GRM8: variants seen among roughly 807,000 people sequenced by gnomAD.
GRM8 encodes glutamate metabotropic receptor 8, also known as metabotropic glutamate receptor 8.
In GRM8, 47 loss-of-function variants were observed where a neutral mutation model predicts 87.2. The observed-to-expected ratio is 0.54, with a 90% CI of 0.43 to 0.69. The LOEUF (loss-of-function observed/expected upper bound fraction) is 0.69. Ranked by LOEUF, GRM8 falls within the 30% of genes least tolerant of loss-of-function variation. The pLI is 0.00. For synonymous variants in GRM8, 396 were observed against 404.5 expected, an observed-to-expected ratio of 0.98 and a Z score of 0.25; for missense variants, 1,019 against 1,139.2, an observed-to-expected ratio of 0.89 and a Z score of 1.52.
At chr7:126,881,880 ATATATG>A (rs1253371762) in intron 6 of GRM8, among the ~76,000 whole-genome samples, 4 of 152,218 alleles carry the variant, frequency 2.6e-5, no homozygotes, top group South Asian at 2.1e-4. Flanking sequence ...AATAAAAATT[ATATATG>A]TATAAGTATA....
At chr7:127,124,784 T>C (rs1302358475) in intron 2 of GRM8, among the ~76,000 whole-genome samples, 1 of 152,096 alleles carries the variant, frequency 6.6e-6, no homozygotes, top group Non-Finnish European at 1.5e-5. Flanking sequence ...ATGTAGCCCC[T>C]ACCCTTTAAC....
intron 8 of GRM8, among the ~76,000 whole-genome samples, chr7:126,536,666 G>A (rs1292204872): frequency 6.6e-6 from 1 of 152,024 alleles, no homozygotes; most frequent in Non-Finnish European, 1.5e-5. Context: ...GAAAAAAAAT[G>A]AAATGCTCCA....
intron 3 of GRM8, among the ~76,000 whole-genome samples, chr7:127,013,890 G>T (rs1032155393): frequency 6.6e-6 from 1 of 152,110 alleles, no homozygotes; most frequent in Admixed American, 6.6e-5. Flanking sequence ...TGCTTATAAG[G>T]TAAGATGATT....
chr7:127,091,299 A>C (rs921088380), intron 3 of GRM8, among the ~76,000 whole-genome samples: 8 of 149,446 alleles, frequency 5.4e-5, no homozygotes, highest in African/African-American at 2.0e-4. Context: ...TCCCCATCCC[A>C]CTGGCCATCC....
At position 127,015,064 on chromosome 7, in the gene GRM8, G is replaced by GAAGAAGAAGAAGA. The variant is rs1554568485; in HGVS notation, c.727+91431_727+91432insTCTTCTTCTTCTT. ...AGAAGAAGAAGAAGAAGAAGAAGAA[G>GAAGAAGAAGAAGA]AAGAAAGAAAGAAGGAGAAGAAGGA... On this transcript the variant is annotated intron_variant, in intron 3 of 10. Transcript: ENST00000339582. Among the ~76,000 whole-genome samples, 100 of 87,908 alleles carry GAAGAAGAAGAAGA rather than the reference G, an allele frequency of 1.1e-3. 4 individuals carry two copies. Among genetic ancestry groups the GAAGAAGAAGAAGA allele is most frequent in the Admixed American group, 4.7e-3 (40 of 8,534 alleles). The allele number at this position is 87,908 out of a possible 152,430, so 57.7% of individuals were successfully genotyped here.
In GRM8 at chr7:126,904,101, GT is replaced by G; in HGVS notation, c.888del (p.Lys296AsnfsTer2). On this transcript the variant is annotated frameshift_variant, in exon 5 of 11. Coordinates refer to ENST00000339582, the MANE Select transcript of GRM8 (RefSeq NM_000845.3). LOFTEE classifies it high-confidence loss of function. The part of the protein sequence containing the change: ...DIRRILEAAK[K>X]LNQSGHFLWI... ...CAGAGAAAATGCCCACTTTGGTTTA[GT>G]TTTTTTGCTGCTTCCAATATCCTCC... is the stretch of plus-strand genomic sequence containing the variant. 2 of 1,611,068 alleles carry G rather than the reference GT, an allele frequency of 1.2e-6. No individual in the cohort carries two copies. Among genetic ancestry groups the G allele is most frequent in the East Asian group, 2.2e-5 (1 of 44,734 alleles).
intron 9 of GRM8, among the ~76,000 whole-genome samples, chr7:126,457,770 T>C (rs566138414): frequency 6.8e-6 from 1 of 147,652 alleles, no homozygotes; most frequent in Admixed American, 6.8e-5. Context: ...ATCCAATCAA[T>C]ATAGAAGGAA....
intron 8 of GRM8, among the ~76,000 whole-genome samples, chr7:126,552,948 A>G (rs1219198540): frequency 1.3e-5 from 2 of 152,136 alleles, no homozygotes; most frequent in Admixed American, 1.3e-4. Context: ...CATCTGAGAA[A>G]ATAAATCAGT....
chr7:127,150,254 C>T (rs1036720473), intron 2 of GRM8, among the ~76,000 whole-genome samples: 4 of 151,988 alleles, frequency 2.6e-5, no homozygotes, highest in African/African-American at 9.7e-5. Context: ...ATTCTGCCTC[C>T]TGGAAAACAA....
At chr7:127,214,697 G>A (rs1246227970) in intron 2 of GRM8, among the ~76,000 whole-genome samples, 1 of 152,102 alleles carries the variant, frequency 6.6e-6, no homozygotes, top group African/African-American at 2.4e-5. Flanking sequence ...GGGAAAATCT[G>A]CCCCCATGAT....
intron 7 of GRM8, among the ~76,000 whole-genome samples, chr7:126,678,817 T>C (rs1319597132): frequency 1.3e-5 from 2 of 152,196 alleles, no homozygotes; most frequent in African/African-American, 4.8e-5. Context: ...AGTGGGAGGT[T>C]GCTCCAATTA....
chr7:126,614,798 A>G (rs564081449), intron 7 of GRM8, among the ~76,000 whole-genome samples: 1 of 152,346 alleles, frequency 6.6e-6, no homozygotes, highest in South Asian at 2.1e-4. Context: ...AATGAATGCA[A>G]TGAAGCGAGA....
At chr7:126,468,528 C>T (rs969554512) in intron 9 of GRM8, among the ~76,000 whole-genome samples, 3 of 152,066 alleles carry the variant, frequency 2.0e-5, no homozygotes, top group African/African-American at 2.4e-5. Context: ...TTCTTCAATC[C>T]TACAATTTCC....
intron 3 of GRM8, among the ~76,000 whole-genome samples, chr7:126,969,876 A>G (rs1407437298): frequency 1.3e-5 from 2 of 152,182 alleles, no homozygotes; most frequent in East Asian, 3.8e-4. Flanking sequence ...TCCTTGATCC[A>G]TGGGCTGCAG....
chr7:127,073,287 A>G (rs1242244539), intron 3 of GRM8, among the ~76,000 whole-genome samples: 1 of 152,200 alleles, frequency 6.6e-6, no homozygotes, highest in Non-Finnish European at 1.5e-5. Flanking sequence ...GAACCCATGA[A>G]CAGAAGAGCG....
chr7:126,712,170 T>C (rs1000183511), intron 7 of GRM8, among the ~76,000 whole-genome samples: 1 of 152,202 alleles, frequency 6.6e-6, no homozygotes. Flanking sequence ...GAAGTCATTG[T>C]AGGGTTATTA....
chr7:126,704,099 T>G (rs1810232219), intron 7 of GRM8, among the ~76,000 whole-genome samples: 2 of 152,120 alleles, frequency 1.3e-5, no homozygotes, highest in African/African-American at 4.8e-5. Flanking sequence ...TCTGATCAGT[T>G]GTTGGGGGAA....
intron 9 of GRM8, among the ~76,000 whole-genome samples, chr7:126,484,091 C>T (rs373676750): frequency 1.6e-4 from 25 of 151,906 alleles, no homozygotes; most frequent in African/African-American, 4.8e-4. Flanking sequence ...GTGCTTATGA[C>T]GTAAATGTCA....
At chr7:126,812,514 T>G (rs1413291713) in intron 6 of GRM8, among the ~76,000 whole-genome samples, 3 of 152,070 alleles carry the variant, frequency 2.0e-5, no homozygotes, top group African/African-American at 7.2e-5. Flanking sequence ...AGGGTATCAC[T>G]GTTGCAAATG....
Sources: gnomAD v4.1 joint callset for allele counts (sites outside exome capture counted in the v4.1 genomes callset) on GRCh38, gnomAD v4.1.1 for gene constraint, MANE v1.5 for transcripts, NCBI Gene and HGNC (gene_info 2026-07-23, HGNC 2026-07-21) for gene names.